Variants in BAIAP2L1 observed in about 807,000 individuals in gnomAD.
BAIAP2L1 encodes the protein BAR/IMD domain containing adaptor protein 2 like 1.
BAIAP2L1 carries 35 observed loss-of-function variants against 66.3 expected under a neutral mutation model. The ratio of observed to expected loss-of-function variants is 0.53; its 90% CI spans 0.40 to 0.70. The LOEUF is 0.70. BAIAP2L1 is among the 30% of genes least tolerant of loss of function. BAIAP2L1 has a pLI of 0.00. For missense variants in BAIAP2L1, 622 were observed against 656.9 expected, an observed-to-expected ratio of 0.95 and a Z score of 0.58; for synonymous variants, 269 against 248.7, an observed-to-expected ratio of 1.08 and a Z score of -0.77.
In BAIAP2L1 at chr7:98,292,849, T is replaced by C; in HGVS notation, c.*672A>G. 4 of 1,457,838 alleles carry C rather than the reference T, an allele frequency of 2.7e-6. No homozygotes were observed. Among genetic ancestry groups the C allele is most frequent in the Non-Finnish European group, 3.6e-6 (4 of 1,104,180 alleles). 90.3% of individuals were successfully genotyped at this position (1,457,838 alleles called of 1,614,324 possible). On this transcript the variant is annotated 3_prime_UTR_variant, in exon 14 of 14. Coordinates refer to ENST00000005260, the MANE Select transcript of BAIAP2L1 (RefSeq NM_018842.5). ...GTGCAGCGAATCCGTTGGCGACTCCTAACTACCAAGAAAAGGAGCTCTCGG... is the reference window on the plus strand; with the variant it reads ...GTGCAGCGAATCCGTTGGCGACTCCCAACTACCAAGAAAAGGAGCTCTCGG...
At chr7:98,378,163 T>C (rs1258618839) in intron 1 of BAIAP2L1, among the ~76,000 whole-genome samples, 2 of 148,132 alleles carry the variant, frequency 1.4e-5, no homozygotes, top group Admixed American at 6.8e-5. Context: ...AAAACAAAAA[T>C]AAAAACAAAA....
At chr7:98,296,918 C>CA (rs1277928015) in intron 12 of BAIAP2L1, among the ~76,000 whole-genome samples, 14 of 152,360 alleles carry the variant, frequency 9.2e-5, no homozygotes, top group Non-Finnish European at 1.0e-4. Context: ...ACACTCAGCC[C>CA]ACTGTGGTGG....
chr7:98,385,174 G>A (rs1802857829), intron 1 of BAIAP2L1, among the ~76,000 whole-genome samples: 1 of 151,770 alleles, frequency 6.6e-6, no homozygotes, highest in African/African-American at 2.4e-5. Flanking sequence ...CAGGCATGGT[G>A]GCAGGGACCT....
At chr7:98,343,248 TAC>T (rs57033582) in intron 3 of BAIAP2L1, among the ~76,000 whole-genome samples, 15,171 of 128,410 alleles carry the variant, frequency 0.12, 880 homozygotes, top group South Asian at 0.22. Flanking sequence ...AAAAAAAAAA[TAC>T]ACACACACAC....
chr7:98,391,525 G>C (rs1284357567), intron 1 of BAIAP2L1, among the ~76,000 whole-genome samples: 3 of 151,712 alleles, frequency 2.0e-5, no homozygotes, highest in African/African-American at 7.3e-5. Flanking sequence ...CTGGCTAACA[G>C]AGGGAAACCC....
chr7:98,365,451 T>G (rs1000416125), intron 1 of BAIAP2L1, among the ~76,000 whole-genome samples: 5 of 152,204 alleles, frequency 3.3e-5, no homozygotes, highest in African/African-American at 1.2e-4. Context: ...AGCATGTTCA[T>G]GTTTCTTGAT....
At chr7:98,317,434 C>T in intron 5 of BAIAP2L1, 78 bp from the exon 6 acceptor site, 3 of 1,555,646 alleles carry the variant, frequency 1.9e-6, no homozygotes, top group East Asian at 2.2e-5. Context: ...CTCACACTTC[C>T]ACTGTGTGTG....
intron 3 of BAIAP2L1, among the ~76,000 whole-genome samples, chr7:98,344,176 C>CA (rs148503164): frequency 1.3e-5 from 2 of 151,998 alleles, no homozygotes; most frequent in African/African-American, 2.4e-5. Flanking sequence ...GACTCCGTTC[C>CA]AAAAAACAAA....
At position 98,352,498 on chromosome 7, in the gene BAIAP2L1, C is replaced by T. The variant is rs374537142; in HGVS notation, c.214+2544G>A. On this transcript the variant is annotated intron_variant, in intron 3 of 13. Coordinates refer to ENST00000005260, the MANE Select transcript of BAIAP2L1 (RefSeq NM_018842.5). ...GTCTACTAAAAATATGAAAATTAGC[C>T]GGGTATGGTGGTGGGCACCTGTAAT... 9.7e-4 allele frequency among the ~76,000 whole-genome samples: 148 copies of T among 152,080 alleles called. 3 individuals carry two copies. The South Asian group carries it at 0.027, about 27-fold the overall frequency.
chr7:98,338,233 C>A (rs1181380608), intron 3 of BAIAP2L1, among the ~76,000 whole-genome samples: 2 of 151,770 alleles, frequency 1.3e-5, no homozygotes, highest in African/African-American at 2.4e-5. Flanking sequence ...GAGATCGAGA[C>A]CACGGTGAAA....
intron 2 of BAIAP2L1, chr7:98,355,497 A>T: frequency 5.5e-6 from 1 of 183,462 alleles, no homozygotes; most frequent in Non-Finnish European, 1.2e-5. Flanking sequence ...GCCCTTTGGG[A>T]GGCTGAGGTG....
Position 98,328,264 on chromosome 7 carries a change from C to A in BAIAP2L1, c.215-7966G>T, listed in dbSNP as rs1037299893. Among the ~76,000 whole-genome samples, 3 of 152,074 alleles carry A rather than the reference C, an allele frequency of 2.0e-5. No homozygotes were observed. In the East Asian group the frequency reaches 5.8e-4, roughly 29 times the overall value. On this transcript the variant is annotated intron_variant, in intron 3 of 13. Transcript: ENST00000005260. Reference sequence around the variant, plus strand: ...GCACCACGAAAGGGAAAAGACTGGACGCAGCTTCAGAAGGCAGAAGGTTCT... The same window carrying A: ...GCACCACGAAAGGGAAAAGACTGGAAGCAGCTTCAGAAGGCAGAAGGTTCT...
At chr7:98,376,657 C>CCA (rs755937901) in intron 1 of BAIAP2L1, among the ~76,000 whole-genome samples, 1 of 92,934 alleles carries the variant, frequency 1.1e-5, no homozygotes, top group Non-Finnish European at 2.0e-5. Flanking sequence ...CCCATCTTTA[C>CCA]AAAAAAAAAA....
intron 3 of BAIAP2L1, among the ~76,000 whole-genome samples, chr7:98,333,004 A>G (rs1223647916): frequency 6.6e-6 from 1 of 151,676 alleles, no homozygotes; most frequent in Non-Finnish European, 1.5e-5. Context: ...TACATGTGTG[A>G]CCCAAGCCCA....
chr7:98,311,959 T>G, intron 8 of BAIAP2L1, 138 bp downstream of exon 8: 1 of 828,816 alleles, frequency 1.2e-6, no homozygotes, highest in Non-Finnish European at 1.9e-6. Context: ...CCCCTAAAGG[T>G]AAGGGGATAG....
intron 1 of BAIAP2L1, among the ~76,000 whole-genome samples, chr7:98,384,866 T>G (rs893296145): frequency 2.0e-5 from 3 of 151,954 alleles, no homozygotes; most frequent in Non-Finnish European, 4.4e-5. Flanking sequence ...GCCTGGGTAA[T>G]GTTTGTATTT....
chr7:98,371,016 C>G (rs368807021), intron 1 of BAIAP2L1, among the ~76,000 whole-genome samples: 1 of 152,118 alleles, frequency 6.6e-6, no homozygotes, highest in African/African-American at 2.4e-5. Context: ...AGGCAAAGGT[C>G]GGTGCTACTG....
At chr7:98,362,226 GTAGAT>G (rs2115725866) in intron 2 of BAIAP2L1, 126 bp downstream of exon 2, 1 of 683,758 alleles carries the variant, frequency 1.5e-6, no homozygotes, top group Non-Finnish European at 2.4e-6. Context: ...GCAAAGTTCT[GTAGAT>G]TAAATTCATT....
In BAIAP2L1 at chr7:98,312,079, G is replaced by A. The variant is rs1210944943; in HGVS notation, c.807+18C>T. On this transcript the variant is annotated intron_variant, in intron 8 of 13. Transcript: ENST00000005260. Reference sequence around the variant, plus strand: ...GGAAACACACGATTGAAATCTGGAAGAGAAAACTGGCTCCTACCACATTGC... The same window carrying A: ...GGAAACACACGATTGAAATCTGGAAAAGAAAACTGGCTCCTACCACATTGC... 2 of 1,575,082 alleles carry A rather than the reference G, an allele frequency of 1.3e-6. No homozygotes were observed. Among genetic ancestry groups the A allele is most frequent in the South Asian group, 1.2e-5 (1 of 85,024 alleles).
Sources: allele counts gnomAD v4.1 joint callset (sites outside exome capture counted in the v4.1 genomes callset), GRCh38; gene constraint gnomAD v4.1.1; transcripts MANE v1.5; gene names NCBI Gene and HGNC (gene_info 2026-07-23, HGNC 2026-07-21).